DACH1: variants seen among roughly 807,000 people sequenced by gnomAD.
The protein encoded by DACH1 is dachshund homolog 1.
DACH1 carries 12 observed loss-of-function variants against 54.2 expected under a neutral mutation model. That is an observed-to-expected ratio of 0.22 (90% CI 0.14 to 0.36). The LOEUF (loss-of-function observed/expected upper bound fraction) is 0.36, where lower values mean the gene tolerates loss of function less well. DACH1 is among the 10% of genes least tolerant of loss of function. The pLI, the probability that DACH1 is intolerant of heterozygous loss-of-function variation, is 1.00. For missense variants in DACH1, 805 were observed against 929.8 expected, an observed-to-expected ratio of 0.87 and a Z score of 1.75; for synonymous variants, 386 against 366.2, an observed-to-expected ratio of 1.05 and a Z score of -0.62.
chr13:71,548,305 A>AT (rs1883589396), intron 6 of DACH1, among the ~76,000 whole-genome samples: 1 of 152,182 alleles, frequency 6.6e-6, no homozygotes, highest in Admixed American at 6.5e-5. Context: ...ATTAGGTCAA[A>AT]ATATATGCAG....
chr13:71,729,720 C>T (rs1434812397), intron 1 of DACH1, among the ~76,000 whole-genome samples: 2 of 151,892 alleles, frequency 1.3e-5, no homozygotes, highest in South Asian at 4.2e-4. Context: ...AGTGTATTGT[C>T]GAAGTTTTCA....
At position 71,477,810 on chromosome 13, in the gene DACH1, T is replaced by C. The variant is rs74095945; in HGVS notation, c.1870+1359A>G. On this transcript the variant is annotated intron_variant, in intron 8 of 10. Transcript: ENST00000613252. ...AAATGGGATCGTCATGTTCTCTCTC[T>C]TCAGGGTGATACACTGCTTCAATAG... is the stretch of plus-strand genomic sequence containing the variant. Among the ~76,000 whole-genome samples, 529 of 152,286 alleles carry C rather than the reference T, an allele frequency of 3.5e-3. 2 individuals carry two copies. The highest frequency in any genetic ancestry group is 0.012 in the African/African-American group (489 of 41,576).
intron 1 of DACH1, among the ~76,000 whole-genome samples, chr13:71,749,373 T>C (rs538458337): frequency 3.5e-4 from 53 of 152,216 alleles, no homozygotes; most frequent in Non-Finnish European, 7.2e-4. Flanking sequence ...AAATATCCAA[T>C]GACTAATTTC....
chr13:71,635,794 CTTTTT>C (rs1044028645), intron 2 of DACH1, among the ~76,000 whole-genome samples: 1 of 151,780 alleles, frequency 6.6e-6, no homozygotes, highest in Admixed American at 6.6e-5. Flanking sequence ...CTTTTCTTTT[CTTTTT>C]TGAGAGAGTC....
intron 2 of DACH1, among the ~76,000 whole-genome samples, chr13:71,641,514 G>A (rs1372562997): frequency 2.0e-5 from 3 of 152,130 alleles, no homozygotes; most frequent in African/African-American, 4.8e-5. Flanking sequence ...CAAAGAAAAC[G>A]TGAATAGTGA....
At chr13:71,840,384 C>G (rs1419753018) in intron 1 of DACH1, among the ~76,000 whole-genome samples, 4 of 152,180 alleles carry the variant, frequency 2.6e-5, no homozygotes, top group Middle Eastern at 3.4e-3. Context: ...AAAAATTTCC[C>G]AGTGATTTAT....
intron 3 of DACH1, among the ~76,000 whole-genome samples, chr13:71,606,919 A>C (rs527763333): frequency 1.3e-5 from 2 of 152,062 alleles, no homozygotes; most frequent in Non-Finnish European, 2.9e-5. Context: ...GCCTACCTTT[A>C]GTTTGAGCAT....
At chr13:71,675,814 A>T (rs1187018801) in intron 2 of DACH1, among the ~76,000 whole-genome samples, 2 of 152,142 alleles carry the variant, frequency 1.3e-5, no homozygotes, top group Non-Finnish European at 2.9e-5. Context: ...GGATTTTTTT[A>T]AAACAAGTAA....
At chr13:71,832,386 T>C (rs1008595230) in intron 1 of DACH1, among the ~76,000 whole-genome samples, 1 of 151,874 alleles carries the variant, frequency 6.6e-6, no homozygotes, top group African/African-American at 2.4e-5. Context: ...CAAAAGTAAG[T>C]ATTAGCTAAA....
intron 6 of DACH1, among the ~76,000 whole-genome samples, chr13:71,534,358 T>C (rs760845542): frequency 2.6e-5 from 4 of 152,050 alleles, no homozygotes; most frequent in Non-Finnish European, 4.4e-5. Flanking sequence ...TAATTGTCTT[T>C]AATATTAAAT....
At chr13:71,763,854 G>C (rs1343317534) in intron 1 of DACH1, among the ~76,000 whole-genome samples, 1 of 152,210 alleles carries the variant, frequency 6.6e-6, no homozygotes, top group African/African-American at 2.4e-5. Context: ...TAATGCAACT[G>C]TTGGACCTGT....
chr13:71,815,027 T>C (rs901129885), intron 1 of DACH1, among the ~76,000 whole-genome samples: 10 of 152,132 alleles, frequency 6.6e-5, no homozygotes, highest in Admixed American at 6.6e-5. Context: ...TAGGTGTCAA[T>C]CAAGAACAAA....
chr13:71,709,744 G>A (rs1175793071), intron 1 of DACH1, among the ~76,000 whole-genome samples: 1 of 152,112 alleles, frequency 6.6e-6, no homozygotes, highest in Admixed American at 6.5e-5. Context: ...AGTATATAGA[G>A]AGTTGGGTAC....
intron 3 of DACH1, among the ~76,000 whole-genome samples, chr13:71,607,486 T>TA (rs1237249178): frequency 2.0e-5 from 3 of 152,054 alleles, no homozygotes; most frequent in African/African-American, 7.2e-5. Flanking sequence ...GTAAGTCTTT[T>TA]AAAAATACTG....
intron 1 of DACH1, among the ~76,000 whole-genome samples, chr13:71,779,132 T>C (rs857322): frequency 0.22 from 25,613 of 117,688 alleles, 3,348 homozygotes; most frequent in Non-Finnish European, 0.25. Context: ...CATATATACA[T>C]ATATACACAT....
intron 3 of DACH1, among the ~76,000 whole-genome samples, chr13:71,576,569 T>A (rs1885537939): frequency 1.3e-5 from 2 of 152,160 alleles, no homozygotes; most frequent in Admixed American, 6.6e-5. Context: ...CAGAAATATA[T>A]CCCTAAATTG....
intron 1 of DACH1, among the ~76,000 whole-genome samples, chr13:71,865,155 C>T (rs1199988509): frequency 1.3e-5 from 2 of 152,188 alleles, no homozygotes; most frequent in East Asian, 3.9e-4. Flanking sequence ...CACCGTACCC[C>T]TTTATTTCCT....
intron 10 of DACH1, among the ~76,000 whole-genome samples, chr13:71,457,593 G>C (rs568033779): frequency 1.6e-4 from 24 of 151,930 alleles, no homozygotes; most frequent in South Asian, 1.5e-3. Flanking sequence ...TTCATACAAG[G>C]ATAATGTAAC....
At chr13:71,605,100 A>T (rs1443260211) in intron 3 of DACH1, among the ~76,000 whole-genome samples, 2 of 152,094 alleles carry the variant, frequency 1.3e-5, no homozygotes, top group East Asian at 3.9e-4. Context: ...TAAGTAGTGG[A>T]TTCCCTTAAA....
Sources: gnomAD v4.1 joint callset for allele counts (sites outside exome capture counted in the v4.1 genomes callset) on GRCh38, gnomAD v4.1.1 for gene constraint, MANE v1.5 for transcripts, NCBI Gene and HGNC (gene_info 2026-07-23, HGNC 2026-07-21) for gene names.